CLASP2: variants seen among roughly 807,000 people sequenced by gnomAD.
The protein encoded by CLASP2 is cytoplasmic linker associated protein 2.
In CLASP2, 47 loss-of-function variants were observed where a neutral mutation model predicts 194.4. The observed-to-expected ratio is 0.24, with a 90% CI of 0.19 to 0.31. The LOEUF is 0.31. CLASP2 is among the 10% of genes least tolerant of loss of function. CLASP2 has a pLI of 1.00. For missense variants in CLASP2, 1,445 were observed against 1,823.6 expected, an observed-to-expected ratio of 0.79 and a Z score of 3.78; for synonymous variants, 619 against 633.5, an observed-to-expected ratio of 0.98 and a Z score of 0.34.
chr3:33,679,479 A>T (rs1449225472), intron 6 of CLASP2, among the ~76,000 whole-genome samples: 2 of 152,192 alleles, frequency 1.3e-5, no homozygotes, highest in African/African-American at 4.8e-5. Context: ...TATTTGCAAA[A>T]GACACATCTG....
chr3:33,591,954 T>C (rs1448711233), intron 21 of CLASP2, among the ~76,000 whole-genome samples: 3 of 152,222 alleles, frequency 2.0e-5, no homozygotes, highest in African/African-American at 4.8e-5. Context: ...GATGCTAATA[T>C]ATGGCAATTA....
intron 1 of CLASP2, among the ~76,000 whole-genome samples, chr3:33,703,892 A>G (rs1325516773): frequency 6.6e-6 from 1 of 152,258 alleles, no homozygotes; most frequent in East Asian, 1.9e-4. Context: ...CAGACAATGG[A>G]ATAGTATTCA....
intron 1 of CLASP2, among the ~76,000 whole-genome samples, chr3:33,712,668 G>T (rs1047783941): frequency 2.0e-5 from 3 of 152,080 alleles, no homozygotes; most frequent in African/African-American, 7.2e-5. Flanking sequence ...TAATGCCACT[G>T]GTGAAAGGGT....
intron 1 of CLASP2, among the ~76,000 whole-genome samples, chr3:33,710,696 A>C (rs979487059): frequency 3.3e-5 from 5 of 152,266 alleles, no homozygotes; most frequent in African/African-American, 1.2e-4. Flanking sequence ...GTACTTTGGG[A>C]GGCCAAGGCA....
At chr3:33,654,728 A>G (rs1559543482) in intron 7 of CLASP2, among the ~76,000 whole-genome samples, 1 of 152,156 alleles carries the variant, frequency 6.6e-6, no homozygotes, top group Non-Finnish European at 1.5e-5. Flanking sequence ...GACTTCAAAA[A>G]TAAGACAACT....
intron 21 of CLASP2, among the ~76,000 whole-genome samples, chr3:33,588,531 ATTT>A (rs2067937591): frequency 6.6e-6 from 1 of 152,186 alleles, no homozygotes; most frequent in African/African-American, 2.4e-5. Context: ...AAAAATCAAA[ATTT>A]TGGTAATAAG....
chr3:33,529,631 G>GACACACACATTA (rs1269550987), intron 34 of CLASP2, among the ~76,000 whole-genome samples: 1 of 152,116 alleles, frequency 6.6e-6, no homozygotes, highest in Non-Finnish European at 1.5e-5. Flanking sequence ...CATTAGTCTA[G>GACACACACATTA]TCCTACACAG....
intron 9 of CLASP2, among the ~76,000 whole-genome samples, chr3:33,628,961 A>G (rs1043926947): frequency 6.6e-6 from 1 of 152,176 alleles, no homozygotes; most frequent in Non-Finnish European, 1.5e-5. Flanking sequence ...AAATTAAACA[A>G]CAAAACAGTG....
intron 22 of CLASP2, 90 bp downstream of exon 22, chr3:33,584,660 T>C (rs897602687): frequency 1.7e-6 from 2 of 1,166,658 alleles, no homozygotes; most frequent in South Asian, 1.8e-5. Flanking sequence ...TAAGTCCTAA[T>C]TGTATTCCAA....
rs534579392 is a variant in CLASP2, at chr3:33,498,605, G to A, written c.*26C>T. 2.6e-5 allele frequency: 39 copies of A among 1,517,808 alleles called. 1 individual carries two copies. In the South Asian group the frequency reaches 3.9e-4, roughly 15 times the overall value. The allele number at this position is 1,517,808 out of a possible 1,614,324, so 94.0% of individuals were successfully genotyped here. On this transcript the variant is annotated 3_prime_UTR_variant, in exon 39 of 39. Transcript: ENST00000682230. ...GGTCTATCTGTCCTTTCTTTTGAGA[G>A]ACCTGGTTCGCTGTGATGAGCTTCA...
intron 37 of CLASP2, chr3:33,503,265 T>G (rs981391879): frequency 1.1e-4 from 17 of 152,186 alleles, no homozygotes; most frequent in African/African-American, 3.9e-4. Flanking sequence ...ATCCATTTAT[T>G]AATGGATATT....
At chr3:33,592,859 C>T (rs892777712) in intron 20 of CLASP2, among the ~76,000 whole-genome samples, 1 of 152,108 alleles carries the variant, frequency 6.6e-6, no homozygotes, top group Non-Finnish European at 1.5e-5. Flanking sequence ...CTCAAGTCAA[C>T]CCTACAGTTT....
At chr3:33,520,281 C>T (rs2052622055) in intron 34 of CLASP2, among the ~76,000 whole-genome samples, 1 of 152,226 alleles carries the variant, frequency 6.6e-6, no homozygotes, top group South Asian at 2.1e-4. Context: ...GTTGGGATTA[C>T]AGGCGTGAGG....
chr3:33,661,516 G>A (rs1021088816), intron 7 of CLASP2, among the ~76,000 whole-genome samples: 1 of 152,224 alleles, frequency 6.6e-6, no homozygotes, highest in Non-Finnish European at 1.5e-5. Context: ...AGAAATGTTT[G>A]ATCAGTTAGA....
At chr3:33,682,595 A>G (rs2090019781) in intron 6 of CLASP2, among the ~76,000 whole-genome samples, 1 of 152,210 alleles carries the variant, frequency 6.6e-6, no homozygotes. Context: ...TAATACAAAT[A>G]TCCTTAATAA....
chr3:33,642,865 T>C (rs942267349), intron 8 of CLASP2, among the ~76,000 whole-genome samples: 3 of 150,610 alleles, frequency 2.0e-5, no homozygotes, highest in African/African-American at 4.9e-5. Context: ...AACAAGAATA[T>C]ACCTGCAATT....
chr3:33,669,778 T>C (rs2086818118), intron 6 of CLASP2, among the ~76,000 whole-genome samples: 1 of 151,940 alleles, frequency 6.6e-6, no homozygotes, highest in Non-Finnish European at 1.5e-5. Flanking sequence ...AAAATAATGG[T>C]GAATATGTAG....
intron 37 of CLASP2, among the ~76,000 whole-genome samples, chr3:33,509,368 A>G (rs1174863633): frequency 6.6e-6 from 1 of 152,216 alleles, no homozygotes; most frequent in East Asian, 1.9e-4. Context: ...GGCATGTGCC[A>G]ACACACCTGG....
intron 22 of CLASP2, among the ~76,000 whole-genome samples, chr3:33,582,390 C>CA (rs1238553413): frequency 6.6e-6 from 1 of 152,120 alleles, no homozygotes; most frequent in Non-Finnish European, 1.5e-5. Flanking sequence ...TGCAGTGGCT[C>CA]ATTCCTGTAA....
Sources: allele counts gnomAD v4.1 joint callset (sites outside exome capture counted in the v4.1 genomes callset), GRCh38; gene constraint gnomAD v4.1.1; transcripts MANE v1.5; gene names NCBI Gene and HGNC (gene_info 2026-07-23, HGNC 2026-07-21).